The following LCOR variants were observed in gnomAD, a reference collection of about 807,000 sequenced individuals.
The protein encoded by LCOR is ligand-dependent corepressor.
Under a neutral mutation model 64.4 loss-of-function variants are expected in LCOR, and 14 were observed. That is an observed-to-expected ratio of 0.22 (90% CI 0.14 to 0.34). LCOR has a LOEUF of 0.34. LCOR is among the 10% of genes least tolerant of loss of function. LCOR has a pLI of 1.00. For synonymous variants in LCOR, 643 were observed against 642.5 expected (o/e 1.00, Z -0.01); for missense variants, 1,686 against 1,765.3 (o/e 0.96, Z 0.80).
Position 96,833,507 on chromosome 10 carries a change from C to T in LCOR, c.-330+28C>T. 4 of 923,430 alleles carry T rather than the reference C, an allele frequency of 4.3e-6. No individual in the cohort carries two copies. In the South Asian group the frequency reaches 2.0e-4, roughly 46 times the overall value. The allele number at this position is 923,430 out of a possible 1,614,324, so 57.2% of individuals were successfully genotyped here. On this transcript the variant is annotated intron_variant, in intron 2 of 7. Coordinates refer to ENST00000421806, the MANE Select transcript of LCOR (RefSeq NM_001346516.2). ...AAGTGGCCCGTGTGGTGTCTCCGCTCCGCCCGCCGCCCCCTAGCCCCAGTC... is the reference window on the plus strand; with the variant it reads ...AAGTGGCCCGTGTGGTGTCTCCGCTTCGCCCGCCGCCCCCTAGCCCCAGTC...
intron 4 of LCOR, among the ~76,000 whole-genome samples, chr10:96,926,833 T>G (rs1035101195): frequency 6.6e-6 from 1 of 152,178 alleles, no homozygotes; most frequent in East Asian, 1.9e-4. Flanking sequence ...GCATAATTTT[T>G]TGGGTTTTAT....
chr10:96,845,754 A>G (rs1346136375), intron 2 of LCOR, among the ~76,000 whole-genome samples: 4 of 151,514 alleles, frequency 2.6e-5, no homozygotes, highest in Non-Finnish European at 4.4e-5. Context: ...GGTGTGAGCC[A>G]CCGCACCCGG....
intron 2 of LCOR, among the ~76,000 whole-genome samples, chr10:96,897,866 C>CT (rs59098946): frequency 0.02 from 2,267 of 116,212 alleles, 27 homozygotes; most frequent in South Asian, 0.029. Flanking sequence ...AGAAAGCCAT[C>CT]TTTTTTTTTT....
intron 4 of LCOR, among the ~76,000 whole-genome samples, chr10:96,912,308 A>G (rs1846852180): frequency 6.6e-6 from 1 of 152,226 alleles, no homozygotes; most frequent in Admixed American, 6.5e-5. Flanking sequence ...TTGTAAAAGG[A>G]ATTCCCGTAT....
At chr10:96,957,817 CTT>C (rs1213338915) in intron 7 of LCOR, 1 of 985,514 alleles carries the variant, frequency 1.0e-6, no homozygotes, top group Admixed American at 6.2e-5. Flanking sequence ...GTGGGTTCCT[CTT>C]GTTTTGGTTA....
At chr10:96,873,579 T>TAC (rs1198394743) in intron 2 of LCOR, among the ~76,000 whole-genome samples, 6 of 100,544 alleles carry the variant, frequency 6.0e-5, no homozygotes, top group African/African-American at 3.8e-4. Context: ...CACGTGTGTG[T>TAC]GTGTGTGTGT....
chr10:96,940,383 T>C (rs1002433052), intron 4 of LCOR, among the ~76,000 whole-genome samples: 2 of 111,530 alleles, frequency 1.8e-5, no homozygotes, highest in Non-Finnish European at 3.5e-5. Flanking sequence ...GGCAGGGTCA[T>C]AGGACAACAG....
At chr10:96,968,726 G>A (rs1256853600) in intron 7 of LCOR, among the ~76,000 whole-genome samples, 1 of 152,082 alleles carries the variant, frequency 6.6e-6, no homozygotes, top group Non-Finnish European at 1.5e-5. Flanking sequence ...CTTGAGCCCA[G>A]GAGTTTGAGA....
chr10:96,916,725 G>A (rs1036183922), intron 4 of LCOR, among the ~76,000 whole-genome samples: 2 of 151,292 alleles, frequency 1.3e-5, no homozygotes, highest in African/African-American at 4.9e-5. Context: ...AGCAATTCTC[G>A]TGCCTCAACC....
At chr10:96,950,942 T>C (rs1278232480) in intron 6 of LCOR, among the ~76,000 whole-genome samples, 1 of 152,160 alleles carries the variant, frequency 6.6e-6, no homozygotes, top group Admixed American at 6.5e-5. Flanking sequence ...AATTATATTT[T>C]TAGAAGTACT....
intron 4 of LCOR, 35 bp from the exon 5 acceptor site, chr10:96,944,078 C>T (rs1173301359): frequency 1.3e-5 from 13 of 984,624 alleles, no homozygotes; most frequent in Middle Eastern, 5.2e-4. Flanking sequence ...TGGGGAAAGA[C>T]GTGTGTGCAA....
At chr10:96,935,239 C>A (rs1700381348) in intron 4 of LCOR, among the ~76,000 whole-genome samples, 1 of 148,898 alleles carries the variant, frequency 6.7e-6, no homozygotes, top group Non-Finnish European at 1.5e-5. Context: ...ACCTCCACCT[C>A]CCGGGTTCAA....
rs1200286754 is a variant in LCOR at position 96,995,437 on chromosome 10, C to G, written c.*10303C>G. ...GTCTGTAGCTCTTGGGCCTGGATTTCTACTATGTTAGTGAGTGTAGGAATA... is the reference window on the plus strand; with the variant it reads ...GTCTGTAGCTCTTGGGCCTGGATTTGTACTATGTTAGTGAGTGTAGGAATA... On this transcript the variant is annotated 3_prime_UTR_variant, in exon 8 of 8. Coordinates refer to ENST00000421806, the MANE Select transcript of LCOR (RefSeq NM_001346516.2). The surrounding 1 kb of genome is among the most constrained non-coding windows in gnomAD (Gnocchi z 4.2). 1.3e-5 allele frequency: 2 copies of G among 152,110 alleles called. No homozygotes were observed. Among genetic ancestry groups the G allele is most frequent in the East Asian group, 3.9e-4 (2 of 5,194 alleles). 9.4% of individuals were successfully genotyped at this position (152,110 alleles called of 1,614,324 possible). A position where few individuals can be genotyped will look rare whatever the true frequency, so the allele number is the denominator to read the frequency against.
intron 2 of LCOR, among the ~76,000 whole-genome samples, chr10:96,889,783 T>C (rs917784180): frequency 2.6e-5 from 4 of 152,244 alleles, no homozygotes; most frequent in African/African-American, 9.6e-5. Flanking sequence ...CCATTTTGTT[T>C]ATCCACTCTT....
intron 2 of LCOR, among the ~76,000 whole-genome samples, chr10:96,875,087 A>T (rs1209530624): frequency 6.6e-6 from 1 of 151,822 alleles, no homozygotes; most frequent in Non-Finnish European, 1.5e-5. Flanking sequence ...ATGTTATATA[A>T]TATCTAGTCT....
intron 4 of LCOR, among the ~76,000 whole-genome samples, chr10:96,936,925 TTATAACAATATAC>T (rs1252210818): frequency 6.6e-6 from 1 of 152,208 alleles, no homozygotes; most frequent in African/African-American, 2.4e-5. Context: ...AATTGAACAA[TTATAACAATATAC>T]TATAACAAAA....
chr10:96,970,327 G>A (rs1282587253), intron 7 of LCOR, among the ~76,000 whole-genome samples: 1 of 152,028 alleles, frequency 6.6e-6, no homozygotes, highest in African/African-American at 2.4e-5. Context: ...GAGCCCGGGA[G>A]GCGGAGGTTG....
intron 2 of LCOR, among the ~76,000 whole-genome samples, chr10:96,879,542 A>T (rs917131700): frequency 2.0e-5 from 3 of 152,246 alleles, no homozygotes; most frequent in African/African-American, 7.2e-5. Flanking sequence ...TAGTGCTGGT[A>T]GAAGAGTCGT....
chr10:96,964,156 T>C (rs1589686810), intron 7 of LCOR: 1 of 152,174 alleles, frequency 6.6e-6, no homozygotes, highest in South Asian at 2.1e-4. Flanking sequence ...AATTTTTTAA[T>C]GCAGTTCTGA....
Sources: allele counts gnomAD v4.1 joint callset (sites outside exome capture counted in the v4.1 genomes callset), GRCh38; gene constraint gnomAD v4.1.1; non-coding constraint Gnocchi (gnomAD v3.1); transcripts MANE v1.5; gene names NCBI Gene and HGNC (gene_info 2026-07-23, HGNC 2026-07-21).